ATE1: variants seen among roughly 807,000 people sequenced by gnomAD.
ATE1 encodes the protein arginyl-tRNA--protein transferase 1.
Under a neutral mutation model 70.5 loss-of-function variants are expected in ATE1, and 36 were observed. That is an observed-to-expected ratio of 0.51 (90% CI 0.39 to 0.67). The LOEUF (loss-of-function observed/expected upper bound fraction) is 0.67, where lower values mean the gene tolerates loss of function less well. Ranked by LOEUF, ATE1 falls within the 30% of genes least tolerant of loss-of-function variation. ATE1 has a pLI of 0.00. For missense variants in ATE1, 593 were observed against 629.5 expected, an observed-to-expected ratio of 0.94 and a Z score of 0.62; for synonymous variants, 232 against 219.3, an observed-to-expected ratio of 1.06 and a Z score of -0.51.
chr10:121,928,195 G>A, upstream of ATE1: 16 of 1,313,672 alleles, frequency 1.2e-5, no homozygotes, highest in South Asian at 3.8e-5. Flanking sequence ...CAGTGAGGGT[G>A]AGGCGGAGAG....
At chr10:121,749,324 A>G (rs537785574) in intron 11 of ATE1, among the ~76,000 whole-genome samples, 43 of 152,340 alleles carry the variant, frequency 2.8e-4, no homozygotes, top group Admixed American at 4.6e-4. Flanking sequence ...GTATACTCAG[A>G]TATTAACATA....
chr10:121,865,757 TAAA>T (rs1373293422), intron 8 of ATE1, among the ~76,000 whole-genome samples: 1 of 152,186 alleles, frequency 6.6e-6, no homozygotes, highest in Non-Finnish European at 1.5e-5. Flanking sequence ...TACAGGAATG[TAAA>T]AGGGTCAGCC....
rs137975321 is a variant in ATE1 at position 121,743,757 on chromosome 10, C to T, written c.1480G>A (p.Glu494Lys). 1.8e-5 allele frequency: 29 copies of T among 1,614,006 alleles called. No individual in the cohort carries two copies. In the African/African-American group the frequency reaches 3.5e-4, roughly 19 times the overall value. Reference sequence around the variant, plus strand: ...GCGTACTGCAGAACAGCAGCCTCCTCACTTGGGTCTTTCTGCTGTTTCTTA... The same window carrying T: ...GCGTACTGCAGAACAGCAGCCTCCTTACTTGGGTCTTTCTGCTGTTTCTTA... ...VYKKQQKDPS[E>K]EAAVLQYASL... The change falls in exon 12 of 12, where the codon GAG (glutamate) becomes AAG (lysine). Residue 494 changes from glutamate to lysine, a missense_variant. Coordinates refer to ENST00000224652, the MANE Select transcript of ATE1 (RefSeq NM_001001976.3).
At chr10:121,790,654 C>T (rs1036538838) in intron 10 of ATE1, among the ~76,000 whole-genome samples, 2 of 152,116 alleles carry the variant, frequency 1.3e-5, no homozygotes, top group African/African-American at 4.8e-5. Context: ...AGTTTCTTTT[C>T]ATGTATTAGA....
intron 3 of ATE1, among the ~76,000 whole-genome samples, chr10:121,919,509 C>T (rs1266560549): frequency 3.3e-5 from 5 of 151,944 alleles, no homozygotes; most frequent in Non-Finnish European, 5.9e-5. Context: ...TGCAGTGAGC[C>T]GAGATAGCAC....
chr10:121,869,585 GTCTC>G (rs753190138), intron 8 of ATE1, among the ~76,000 whole-genome samples: 1 of 152,158 alleles, frequency 6.6e-6, no homozygotes, highest in African/African-American at 2.4e-5. Flanking sequence ...TTTTAAAGTG[GTCTC>G]TCTAACTGAA....
intron 11 of ATE1, among the ~76,000 whole-genome samples, chr10:121,766,309 A>C (rs570786715): frequency 1.3e-5 from 2 of 152,192 alleles, no homozygotes; most frequent in Non-Finnish European, 2.9e-5. Context: ...TCGTTTATGC[A>C]TTCCTAACTA....
intron 7 of ATE1, among the ~76,000 whole-genome samples, chr10:121,890,401 G>A (rs1950541032): frequency 6.6e-6 from 1 of 152,110 alleles, no homozygotes; most frequent in Non-Finnish European, 1.5e-5. Context: ...AAAATGTCAT[G>A]ATATATAATG....
chr10:121,846,467 T>A (rs1948826682), intron 8 of ATE1: 1 of 152,162 alleles, frequency 6.6e-6, no homozygotes, highest in South Asian at 2.1e-4. Flanking sequence ...AAGAGTATTG[T>A]ATGAAAGGAG....
intron 7 of ATE1, among the ~76,000 whole-genome samples, chr10:121,878,616 A>G (rs935541556): frequency 5.3e-5 from 8 of 151,992 alleles, no homozygotes; most frequent in Non-Finnish European, 1.0e-4. Flanking sequence ...AAGAAAAGAA[A>G]AAAAAATCAA....
At chr10:121,865,143 T>G (rs1564908588) in intron 8 of ATE1, among the ~76,000 whole-genome samples, 1 of 152,166 alleles carries the variant, frequency 6.6e-6, no homozygotes, top group Non-Finnish European at 1.5e-5. Context: ...CTAATCTACC[T>G]CTCTGGGTTC....
chr10:121,849,012 A>C (rs943316428), intron 8 of ATE1, among the ~76,000 whole-genome samples: 1 of 152,024 alleles, frequency 6.6e-6, no homozygotes, highest in African/African-American at 2.4e-5. Flanking sequence ...GGAGTTGAAG[A>C]CCAGCCTGGC....
At chr10:121,790,899 C>A (rs147841542) in intron 10 of ATE1, among the ~76,000 whole-genome samples, 1,953 of 151,564 alleles carry the variant, frequency 0.013, 20 homozygotes, top group Middle Eastern at 0.017. Flanking sequence ...GAACTTTCTT[C>A]AAAAATCCCA....
intron 10 of ATE1, among the ~76,000 whole-genome samples, chr10:121,835,593 G>T (rs1180908547): frequency 1.3e-5 from 2 of 151,980 alleles, no homozygotes; most frequent in Non-Finnish European, 2.9e-5. Context: ...CTGTAAAAAA[G>T]ATTATGAGAC....
intron 7 of ATE1, among the ~76,000 whole-genome samples, chr10:121,892,976 C>T (rs1035316684): frequency 1.3e-5 from 2 of 152,182 alleles, no homozygotes; most frequent in Admixed American, 6.5e-5. Flanking sequence ...CTTCTCTTCA[C>T]TGACTTAAAA....
chr10:121,881,361 C>T (rs1018710529), intron 7 of ATE1, among the ~76,000 whole-genome samples: 1 of 152,114 alleles, frequency 6.6e-6, no homozygotes, highest in Non-Finnish European at 1.5e-5. Context: ...GATTACAGTA[C>T]CCCAATATAG....
intron 11 of ATE1, among the ~76,000 whole-genome samples, chr10:121,766,258 T>C (rs1320355347): frequency 6.6e-6 from 1 of 152,182 alleles, no homozygotes; most frequent in Admixed American, 6.5e-5. Context: ...CTTAATATTC[T>C]TCATGGTGGA....
chr10:121,790,365 G>A, intron 10 of ATE1, 76 bp from the exon 11 acceptor site: 1 of 1,550,584 alleles, frequency 6.4e-7, no homozygotes, highest in Non-Finnish European at 8.7e-7. Flanking sequence ...GAGGGCTCTA[G>A]GAAAGGTTTA....
At position 121,755,845 on chromosome 10, in the gene ATE1, T is replaced by C. The variant is rs989922363; in HGVS notation, c.1379-11987A>G. On this transcript the variant is annotated intron_variant, in intron 11 of 11. Coordinates refer to ENST00000224652, the MANE Select transcript of ATE1 (RefSeq NM_001001976.3). ...CATGGGAATTATGGGAGCTACAAGA[T>C]GAGATTTGGGTGGGGACACAGAGCC... is the stretch of plus-strand genomic sequence containing the variant. Among the ~76,000 whole-genome samples the C allele has an allele frequency of 3.3e-5, 5 of 152,202 alleles. No individual in the cohort carries two copies. In the East Asian group the frequency reaches 9.6e-4, roughly 29 times the overall value.
Sources: gnomAD v4.1 joint callset for allele counts (sites outside exome capture counted in the v4.1 genomes callset) on GRCh38, gnomAD v4.1.1 for gene constraint, MANE v1.5 for transcripts, NCBI Gene and HGNC (gene_info 2026-07-23, HGNC 2026-07-21) for gene names.